The following GOLIM4 variants were observed in gnomAD, a reference collection of about 807,000 sequenced individuals.
GOLIM4 encodes the protein golgi integral membrane protein 4, also known as 130 kDa golgi-localized phosphoprotein.
A neutral mutation model predicts 107.4 loss-of-function variants in GOLIM4; 71 were observed. The observed-to-expected ratio is 0.66, with a 90% CI of 0.55 to 0.81. The LOEUF is 0.81. Among genes scored for constraint, GOLIM4 ranks in the 30% least tolerant of loss-of-function variants. The pLI is 0.00. For missense variants in GOLIM4, 830 were observed against 826.1 expected (o/e 1.00, Z -0.06); for synonymous variants, 327 against 294.8 (o/e 1.11, Z -1.12).
chr3:168,078,987 A>T (rs1269241270), intron 1 of GOLIM4, among the ~76,000 whole-genome samples: 1 of 152,144 alleles, frequency 6.6e-6, no homozygotes, highest in Non-Finnish European at 1.5e-5. Flanking sequence ...ACAGATCAGG[A>T]ATTATAGTTG....
chr3:168,027,980 G>A (rs1718101688), intron 11 of GOLIM4, 143 bp from the exon 12 acceptor site: 1 of 634,714 alleles, frequency 1.6e-6, no homozygotes, highest in Non-Finnish European at 2.8e-6. Flanking sequence ...CTATGTCCTG[G>A]CTTTTCTGAA....
At chr3:168,091,857 G>C (rs967177473) in intron 1 of GOLIM4, among the ~76,000 whole-genome samples, 7 of 152,182 alleles carry the variant, frequency 4.6e-5, no homozygotes, top group African/African-American at 1.7e-4. Context: ...TTACAGTCTA[G>C]AAACCAGTCT....
chr3:168,011,322 T>C (rs1405151062), intron 14 of GOLIM4, among the ~76,000 whole-genome samples: 4 of 152,182 alleles, frequency 2.6e-5, no homozygotes, highest in Non-Finnish European at 5.9e-5. Context: ...ACCCAAATAC[T>C]GCGCTTTTCC....
intron 5 of GOLIM4, among the ~76,000 whole-genome samples, chr3:168,042,439 C>G (rs1411036007): frequency 6.6e-6 from 1 of 152,126 alleles, no homozygotes; most frequent in East Asian, 1.9e-4. Flanking sequence ...TGCCACGATG[C>G]CCGGCTAATT....
chr3:168,095,268 G>A lies in GOLIM4; in HGVS notation c.18C>T (p.Cys6=), dbSNP rs1722127015. The A allele has an allele frequency of 6.2e-7, 1 of 1,612,860 alleles. No homozygotes were observed. The highest frequency in any genetic ancestry group is 8.5e-7 in the Non-Finnish European group (1 of 1,179,900). The stretch of plus-strand genomic sequence containing the variant: ...GGAAAATCCGCTTCTGCTTTCGGGA[G>A]CACATCCCGTTTCCCATAGTCCCGC... MGNGM[C]SRKQKRIFQT... Residue 6 remains cysteine, a synonymous_variant, in exon 1 of 16, where the codon TGC becomes TGT. Coordinates refer to ENST00000470487, the MANE Select transcript of GOLIM4 (RefSeq NM_014498.5).
At chr3:168,059,193 G>A (rs576159822) in intron 1 of GOLIM4, among the ~76,000 whole-genome samples, 5 of 152,206 alleles carry the variant, frequency 3.3e-5, no homozygotes, top group East Asian at 3.9e-4. Flanking sequence ...TTGCCTTTAC[G>A]GACGCTGCAA....
At chr3:168,013,373 C>T (rs1483726653) in intron 14 of GOLIM4, among the ~76,000 whole-genome samples, 4 of 152,054 alleles carry the variant, frequency 2.6e-5, no homozygotes, top group East Asian at 3.9e-4. Context: ...AATACAGGAG[C>T]ACCAAGATTC....
In GOLIM4 at chr3:168,093,084, C is replaced by G. The variant is rs950356081; in HGVS notation, c.187+2015G>C. On this transcript the variant is annotated intron_variant, in intron 1 of 15. Coordinates refer to ENST00000470487, the MANE Select transcript of GOLIM4 (RefSeq NM_014498.5). ...TACCACCTCTCTTCCCCACTACCAC[C>G]ACCACCACTAAAAAAAGAAAAGGCA... Among the ~76,000 whole-genome samples, 19 of 152,164 alleles carry G rather than the reference C, an allele frequency of 1.2e-4. No individual in the cohort carries two copies. In the South Asian group the frequency reaches 3.7e-3, roughly 30 times the overall value.
At chr3:168,047,706 G>C (rs185979069) in intron 2 of GOLIM4, among the ~76,000 whole-genome samples, 1 of 152,262 alleles carries the variant, frequency 6.6e-6, no homozygotes, top group African/African-American at 2.4e-5. Flanking sequence ...AGCTGTATAA[G>C]GCCTGTGTTT....
chr3:168,016,824 T>C (rs1310491410), intron 14 of GOLIM4, among the ~76,000 whole-genome samples: 1 of 140,034 alleles, frequency 7.1e-6, no homozygotes, highest in Non-Finnish European at 1.5e-5. Flanking sequence ...TTCTCACTCA[T>C]AGGTGGGAAT....
At position 168,061,662 on chromosome 3, in the gene GOLIM4, A is replaced by T. The variant is rs534659007; in HGVS notation, c.188-13297T>A. Among the ~76,000 whole-genome samples, 4 of 152,344 alleles carry T rather than the reference A, an allele frequency of 2.6e-5. No homozygotes were observed. In the East Asian group the frequency reaches 5.8e-4, roughly 22 times the overall value. ...TAATTCATAGATGAATTTCACAAAC[A>T]TAATATGAGGAAAGGAGCCAGACAG... On this transcript the variant is annotated intron_variant, in intron 1 of 15. Coordinates refer to ENST00000470487, the MANE Select transcript of GOLIM4 (RefSeq NM_014498.5).
intron 8 of GOLIM4, among the ~76,000 whole-genome samples, chr3:168,036,259 G>A (rs748381708): frequency 1.3e-5 from 2 of 152,176 alleles, no homozygotes; most frequent in Non-Finnish European, 2.9e-5. Context: ...TACTAGCAGC[G>A]GCCAGGTGTG....
At chr3:168,084,558 T>C (rs1721530203) in intron 1 of GOLIM4, among the ~76,000 whole-genome samples, 1 of 152,312 alleles carries the variant, frequency 6.6e-6, no homozygotes, top group East Asian at 1.9e-4. Flanking sequence ...ACTGCAACCT[T>C]GTGAGTGACC....
In GOLIM4 at chr3:168,041,413, A is replaced by G. The variant is rs1404086485; in HGVS notation, c.579T>C (p.His193=). Residue 193 remains histidine, a synonymous_variant, in exon 6 of 16, where the codon CAT becomes CAC. Coordinates refer to ENST00000470487, the MANE Select transcript of GOLIM4 (RefSeq NM_014498.5). ...TTACCTTGACATCTTGAAGCTGTGT[A>G]TGTATGTCTTGGTGTGCTTTCCTTA... ...RQLRKAHQDI[H]TQLQDVKQQH... The G allele has an allele frequency of 6.3e-7, 1 of 1,586,216 alleles. No homozygotes were observed.
intron 14 of GOLIM4, among the ~76,000 whole-genome samples, chr3:168,015,382 A>T (rs1053126756): frequency 5.1e-4 from 76 of 148,018 alleles, no homozygotes; most frequent in Non-Finnish European, 1.6e-4. Context: ...TGCTCAAGAA[A>T]ATAAAAGAGG....
intron 14 of GOLIM4, among the ~76,000 whole-genome samples, chr3:168,022,449 T>C (rs1352866188): frequency 6.6e-6 from 1 of 152,196 alleles, no homozygotes; most frequent in Non-Finnish European, 1.5e-5. Flanking sequence ...CAATGCAGTA[T>C]GTGTTTCCAT....
chr3:168,042,039 T>C (rs538826150), intron 5 of GOLIM4, among the ~76,000 whole-genome samples: 3 of 152,278 alleles, frequency 2.0e-5, no homozygotes, highest in East Asian at 1.9e-4. Context: ...AAAAAACATA[T>C]AGAGTGGTCC....
intron 8 of GOLIM4, among the ~76,000 whole-genome samples, chr3:168,035,487 G>T (rs1323368223): frequency 6.6e-6 from 1 of 152,214 alleles, no homozygotes; most frequent in Non-Finnish European, 1.5e-5. Flanking sequence ...ACAAGATCAT[G>T]TCCTTTGCAG....
chr3:168,043,486 T>TGTG lies in GOLIM4; in HGVS notation c.409_410insCAC (p.Glu137delinsAlaGln). The TGTG allele has an allele frequency of 6.2e-7, 1 of 1,613,602 alleles. No individual in the cohort carries two copies. Among genetic ancestry groups the TGTG allele is most frequent in the Non-Finnish European group, 8.5e-7 (1 of 1,179,756 alleles). On this transcript the variant is annotated protein_altering_variant, in exon 5 of 16. Coordinates refer to ENST00000470487, the MANE Select transcript of GOLIM4 (RefSeq NM_014498.5). ...GTCTTCCCCTTGTTTGCGATGTTCC[T>TGTG]CTTCCAAGTCACTGTGCTGTTTCTT...
Sources: allele counts gnomAD v4.1 joint callset (sites outside exome capture counted in the v4.1 genomes callset), GRCh38; gene constraint gnomAD v4.1.1; transcripts MANE v1.5; gene names NCBI Gene and HGNC (gene_info 2026-07-23, HGNC 2026-07-21).